MTA3: variants seen among roughly 807,000 people sequenced by gnomAD.
MTA3 encodes the protein metastasis associated 1 family member 3.
Under a neutral mutation model 83.5 loss-of-function variants are expected in MTA3, and 34 were observed. That is an observed-to-expected ratio of 0.41 (90% CI 0.31 to 0.54). MTA3 has a LOEUF of 0.54. Ranked by LOEUF, MTA3 falls within the 20% of genes least tolerant of loss-of-function variation. MTA3 has a pLI of 0.33. For missense variants in MTA3, 761 were observed against 726.4 expected (o/e 1.05, Z -0.55); for synonymous variants, 303 against 252.7 (o/e 1.20, Z -1.89).
At chr2:42,530,763 C>T (rs143734715) in intron 2 of MTA3, among the ~76,000 whole-genome samples, 1,593 of 152,174 alleles carry the variant, frequency 0.01, 25 homozygotes, top group African/African-American at 0.037. Flanking sequence ...CCAGCCTGGG[C>T]GACAAGAGTG....
At chr2:42,724,664 T>TC (rs1667692161) in intron 16 of MTA3, among the ~76,000 whole-genome samples, 1 of 151,678 alleles carries the variant, frequency 6.6e-6, no homozygotes, top group Non-Finnish European at 1.5e-5. Context: ...ACACGACTGT[T>TC]ACTGTGACTG....
At position 42,568,683 on chromosome 2, in the gene MTA3, CTGAGGA is replaced by C; in HGVS notation, c.-62_-57del. ...GCGGCAGCGGCGGTCGCGGCTGAGG[CTGAGGA>C]GGAGGCGGCGGCGGCGGGCGGGGCT... On this transcript the variant is annotated 5_prime_UTR_variant, in exon 1 of 17. Coordinates refer to ENST00000405094, the MANE Select transcript of MTA3 (RefSeq NM_001330442.2). 1 of 1,137,016 alleles carries C rather than the reference CTGAGGA, an allele frequency of 8.8e-7. No homozygotes were observed. The highest frequency in any genetic ancestry group is 1.1e-6 in the Non-Finnish European group (1 of 923,982). 70.4% of individuals were successfully genotyped at this position (1,137,016 alleles called of 1,614,324 possible). A position where few individuals can be genotyped will look rare whatever the true frequency, so the allele number is the denominator to read the frequency against.
chr2:42,661,953 C>T (rs1174614707), intron 8 of MTA3, among the ~76,000 whole-genome samples: 5 of 152,146 alleles, frequency 3.3e-5, no homozygotes, highest in African/African-American at 1.2e-4. Flanking sequence ...GAGCCAGCCA[C>T]TGTAACAGAT....
At chr2:42,544,906 C>T (rs1050444652) in intron 2 of MTA3, among the ~76,000 whole-genome samples, 2 of 151,960 alleles carry the variant, frequency 1.3e-5, no homozygotes, top group African/African-American at 4.8e-5. Flanking sequence ...TTTTGTTAAC[C>T]CTGTAAGGAC....
At chr2:42,627,131 C>T (rs2104231493) in intron 4 of MTA3, among the ~76,000 whole-genome samples, 1 of 152,230 alleles carries the variant, frequency 6.6e-6, no homozygotes, top group Admixed American at 6.5e-5. Flanking sequence ...GGCTGGAGTG[C>T]AGTGGCACGA....
intron 4 of MTA3, 79 bp downstream of exon 4, chr2:42,609,663 A>C: frequency 6.8e-7 from 1 of 1,464,812 alleles, no homozygotes; most frequent in Non-Finnish European, 9.2e-7. Flanking sequence ...CGTTTTCCAG[A>C]CTCTTCTCAG....
intron 8 of MTA3, among the ~76,000 whole-genome samples, chr2:42,662,876 C>G (rs1234042197): frequency 6.6e-6 from 1 of 151,772 alleles, no homozygotes; most frequent in African/African-American, 2.4e-5. Flanking sequence ...GGATTACAGG[C>G]GCACGTCACC....
chr2:42,570,610 A>G (rs370984778), intron 2 of MTA3, 106 bp downstream of exon 2: 1 of 575,540 alleles, frequency 1.7e-6, no homozygotes, highest in East Asian at 3.1e-5. Flanking sequence ...CTGCAATCCC[A>G]GTAAATTGGG....
chr2:42,507,675 T>C (rs1674696750), intron 2 of MTA3, among the ~76,000 whole-genome samples: 1 of 150,452 alleles, frequency 6.6e-6, no homozygotes. Flanking sequence ...ACACCTGTAA[T>C]CCCAACACTT....
At chr2:42,651,160 A>G (rs1217715021) in intron 6 of MTA3, among the ~76,000 whole-genome samples, 2 of 152,242 alleles carry the variant, frequency 1.3e-5, no homozygotes, top group Non-Finnish European at 2.9e-5. Context: ...GTAAAAATAC[A>G]GTAAAAAGAT....
intron 3 of MTA3, among the ~76,000 whole-genome samples, chr2:42,579,738 A>G (rs1331188612): frequency 2.0e-5 from 3 of 152,008 alleles, no homozygotes; most frequent in Non-Finnish European, 4.4e-5. Flanking sequence ...TTGAATAGAG[A>G]TGGAGTCTTG....
At chr2:42,628,860 A>G (rs1686393596) in intron 4 of MTA3, among the ~76,000 whole-genome samples, 1 of 152,044 alleles carries the variant, frequency 6.6e-6, no homozygotes, top group African/African-American at 2.4e-5. Flanking sequence ...ATGTGTCAGA[A>G]ACAAATAAAT....
At chr2:42,517,959 G>A (rs937943660) in intron 2 of MTA3, among the ~76,000 whole-genome samples, 32 of 151,992 alleles carry the variant, frequency 2.1e-4, no homozygotes, top group African/African-American at 7.5e-4. Flanking sequence ...GCCAAAGTGG[G>A]CAGATCACCT....
intron 3 of MTA3, among the ~76,000 whole-genome samples, chr2:42,591,418 C>G (rs1573106534): frequency 1.3e-5 from 2 of 152,124 alleles, no homozygotes; most frequent in East Asian, 3.9e-4. Flanking sequence ...TGTAGACTTA[C>G]TAAACACTGT....
In MTA3 at chr2:42,594,728, A is replaced by ATATATTTTTTT; in HGVS notation, c.191-14729_191-14728insATATTTTTTTT. Among the ~76,000 whole-genome samples, 95 of 24,038 alleles carry ATATATTTTTTT rather than the reference A, an allele frequency of 4.0e-3. 1 individual carries two copies. Among genetic ancestry groups the ATATATTTTTTT allele is most frequent in the East Asian group, 0.033 (28 of 852 alleles). The allele number at this position is 24,038 out of a possible 152,430, so 15.8% of individuals were successfully genotyped here. ...TACATATATATATATATATATATAT[A>ATATATTTTTTT]TTTTTTTTTTTTTTTTGAGACAGAG... On this transcript the variant is annotated intron_variant, in intron 3 of 16. Coordinates refer to ENST00000405094, the MANE Select transcript of MTA3 (RefSeq NM_001330442.2).
intron 8 of MTA3, among the ~76,000 whole-genome samples, chr2:42,681,139 C>T (rs1691860623): frequency 6.6e-6 from 1 of 152,188 alleles, no homozygotes; most frequent in Non-Finnish European, 1.5e-5. Flanking sequence ...TCTAATCTAT[C>T]TTTTCTCCTT....
chr2:42,540,990 G>A lies in MTA3; in HGVS notation c.-140-29447G>A, dbSNP rs1209622842. On this transcript the variant is annotated intron_variant, in intron 2 of 17. Coordinates refer to the MTA3 transcript ENST00000405592. Reference sequence around the variant, plus strand: ...ACTTAAGATTTTTCGACTTCATGATGGTACAAAAGCCATACACATTCAGTG... The same window carrying A: ...ACTTAAGATTTTTCGACTTCATGATAGTACAAAAGCCATACACATTCAGTG... Among the ~76,000 whole-genome samples the A allele has an allele frequency of 2.6e-5, 4 of 151,666 alleles. No individual in the cohort carries two copies. The East Asian group carries it at 7.7e-4, about 29-fold the overall frequency.
chr2:42,497,724 G>T (rs1674210986), intron 2 of MTA3, among the ~76,000 whole-genome samples: 1 of 152,082 alleles, frequency 6.6e-6, no homozygotes, highest in East Asian at 1.9e-4. Context: ...GTAGAATGAA[G>T]ATAATAATAC....
intron 2 of MTA3, among the ~76,000 whole-genome samples, chr2:42,563,122 T>C (rs573030684): frequency 1.3e-5 from 2 of 152,076 alleles, no homozygotes; most frequent in Non-Finnish European, 1.5e-5. Flanking sequence ...TCCCAACTGA[T>C]CTGGTCTGGA....
Sources: gnomAD v4.1 joint callset for allele counts (sites outside exome capture counted in the v4.1 genomes callset) on GRCh38, gnomAD v4.1.1 for gene constraint, MANE v1.5 for transcripts, NCBI Gene and HGNC (gene_info 2026-07-23, HGNC 2026-07-21) for gene names.